SPIDR: variants seen among roughly 807,000 people sequenced by gnomAD.
SPIDR encodes the protein DNA repair-scaffolding protein.
A neutral mutation model predicts 104.6 loss-of-function variants in SPIDR; 93 were observed. That is an observed-to-expected ratio of 0.89 (90% CI 0.75 to 1.06). The LOEUF (loss-of-function observed/expected upper bound fraction) is 1.06. SPIDR is among the 50% of genes least tolerant of loss of function. The pLI is 0.00. For missense variants in SPIDR, 1,154 were observed against 1,111.2 expected (o/e 1.04, Z -0.55); for synonymous variants, 431 against 416.9 (o/e 1.03, Z -0.41).
At chr8:47,521,969 G>T (rs1308095747) in intron 8 of SPIDR, among the ~76,000 whole-genome samples, 2 of 151,388 alleles carry the variant, frequency 1.3e-5, no homozygotes, top group Non-Finnish European at 2.9e-5. Context: ...TTCGAGACCA[G>T]CCTGGCCAAC....
chr8:47,399,301 G>A (rs2061581225), intron 6 of SPIDR, among the ~76,000 whole-genome samples: 1 of 152,162 alleles, frequency 6.6e-6, no homozygotes, highest in Admixed American at 6.5e-5. Flanking sequence ...TGCACCCATG[G>A]CCAGGGCGGG....
At chr8:47,600,833 C>T (rs575153850) in intron 10 of SPIDR, among the ~76,000 whole-genome samples, 21 of 152,274 alleles carry the variant, frequency 1.4e-4, no homozygotes, top group African/African-American at 5.1e-4. Context: ...TCTCAGTACA[C>T]AGACCACACA....
rs555629206 is a variant in SPIDR, at chr8:47,455,080, A to T, written c.1097+14538A>T. ...ATTGGTCAAGGTAGTTGCATAGGTA[A>T]ATGTAAAAGCCAATGTTACTGTGCT... is the stretch of plus-strand genomic sequence containing the variant. On this transcript the variant is annotated intron_variant, in intron 8 of 19. Coordinates refer to ENST00000297423, the MANE Select transcript of SPIDR (RefSeq NM_001080394.4). Among the ~76,000 whole-genome samples, 12 of 152,264 alleles carry T rather than the reference A, an allele frequency of 7.9e-5. No homozygotes were observed. The East Asian group carries it at 2.3e-3, about 29-fold the overall frequency.
chr8:47,309,831 GGTC>G (rs2043797622), intron 5 of SPIDR, among the ~76,000 whole-genome samples: 1 of 151,588 alleles, frequency 6.6e-6, no homozygotes. Flanking sequence ...GAGGTCAGGA[GGTC>G]AAGACCATTC....
chr8:47,617,439 A>AT (rs1182173932), intron 10 of SPIDR, among the ~76,000 whole-genome samples: 1 of 152,166 alleles, frequency 6.6e-6, no homozygotes, highest in African/African-American at 2.4e-5. Context: ...ATGGTATAGG[A>AT]TTGGGGGCAC....
chr8:47,720,409 G>A (rs1161674153), intron 16 of SPIDR, among the ~76,000 whole-genome samples: 1 of 152,198 alleles, frequency 6.6e-6, no homozygotes, highest in African/African-American at 2.4e-5. Context: ...GTCTTCCAAA[G>A]TTGGCTGTAT....
intron 8 of SPIDR, among the ~76,000 whole-genome samples, chr8:47,502,106 T>C (rs1290268237): frequency 6.6e-6 from 1 of 152,224 alleles, no homozygotes; most frequent in African/African-American, 2.4e-5. Flanking sequence ...AATTGTCTTT[T>C]TTTGTTGTGT....
At chr8:47,313,938 G>C (rs782594105) in intron 5 of SPIDR, among the ~76,000 whole-genome samples, 10 of 152,178 alleles carry the variant, frequency 6.6e-5, no homozygotes, top group Admixed American at 1.3e-4. Context: ...AAATGTTTAA[G>C]GAGATACTTC....
chr8:47,564,949 A>G (rs1241178740), intron 8 of SPIDR, among the ~76,000 whole-genome samples: 1 of 152,020 alleles, frequency 6.6e-6, no homozygotes, highest in Non-Finnish European at 1.5e-5. Context: ...CCTTTGTGTA[A>G]AAGAAATTCA....
chr8:47,618,262 T>A (rs1355416057), intron 10 of SPIDR, among the ~76,000 whole-genome samples: 1 of 152,184 alleles, frequency 6.6e-6, no homozygotes, highest in Non-Finnish European at 1.5e-5. Flanking sequence ...TGTAAAGGCT[T>A]TTCCTGTCAT....
chr8:47,535,207 A>C (rs957139132), intron 8 of SPIDR, among the ~76,000 whole-genome samples: 1 of 152,222 alleles, frequency 6.6e-6, no homozygotes, highest in Non-Finnish European at 1.5e-5. Flanking sequence ...CATTTAGGGC[A>C]GAAATTATAC....
At chr8:47,729,114 C>A (rs1277254170) in intron 18 of SPIDR, 67 bp downstream of exon 18, 2 of 1,584,290 alleles carry the variant, frequency 1.3e-6, no homozygotes, top group Admixed American at 1.8e-5. Flanking sequence ...TGAGACAGAG[C>A]TGAAGCAGGT....
chr8:47,468,473 C>T (rs150315650), intron 8 of SPIDR, among the ~76,000 whole-genome samples: 5 of 152,248 alleles, frequency 3.3e-5, no homozygotes, highest in Non-Finnish European at 7.4e-5. Context: ...GCTGCAGTAA[C>T]AAAGACAGTA....
chr8:47,581,133 G>T (rs923537298), intron 8 of SPIDR, among the ~76,000 whole-genome samples: 3 of 152,170 alleles, frequency 2.0e-5, no homozygotes, highest in Non-Finnish European at 4.4e-5. Context: ...TCCATCTTCT[G>T]TCTCCCGTGT....
intron 5 of SPIDR, among the ~76,000 whole-genome samples, chr8:47,350,087 A>G (rs1194689903): frequency 6.6e-6 from 1 of 152,208 alleles, no homozygotes; most frequent in Non-Finnish European, 1.5e-5. Context: ...AGCTGTTCCT[A>G]TTCAGCCATC....
At chr8:47,716,055 A>G (rs2082544994) in intron 16 of SPIDR, among the ~76,000 whole-genome samples, 1 of 143,916 alleles carries the variant, frequency 6.9e-6, no homozygotes. Flanking sequence ...ACCTCTGCCT[A>G]CTGGGTTCAA....
At chr8:47,293,023 C>T (rs1389895057) in intron 4 of SPIDR, among the ~76,000 whole-genome samples, 1 of 151,958 alleles carries the variant, frequency 6.6e-6, no homozygotes, top group Non-Finnish European at 1.5e-5. Context: ...AATGTGTTCC[C>T]CTGCCTGGCT....
intron 6 of SPIDR, among the ~76,000 whole-genome samples, chr8:47,402,215 G>A (rs2062000034): frequency 1.3e-5 from 2 of 152,124 alleles, no homozygotes; most frequent in African/African-American, 4.8e-5. Flanking sequence ...GTGTGTAGAG[G>A]GAAATTTATA....
At chr8:47,267,583 T>A (rs782067523) in intron 1 of SPIDR, among the ~76,000 whole-genome samples, 8 of 152,226 alleles carry the variant, frequency 5.3e-5, no homozygotes, top group Non-Finnish European at 1.2e-4. Flanking sequence ...CACTGTGATT[T>A]GGTTTGCAGT....
Sources: allele counts gnomAD v4.1 joint callset (sites outside exome capture counted in the v4.1 genomes callset), GRCh38; gene constraint gnomAD v4.1.1; transcripts MANE v1.5; gene names NCBI Gene and HGNC (gene_info 2026-07-23, HGNC 2026-07-21).